Variants in CCDC188 observed in about 807,000 individuals in gnomAD.
CCDC188 encodes coiled-coil domain-containing protein 188.
A neutral mutation model predicts 50.7 loss-of-function variants in CCDC188; 37 were observed. That is an observed-to-expected ratio of 0.73 (90% CI 0.56 to 0.96). The LOEUF is 0.96. Ranked by LOEUF, CCDC188 falls within the 40% of genes least tolerant of loss-of-function variation. The pLI is 0.00. For missense variants in CCDC188, 453 were observed against 512.9 expected (o/e 0.88, Z 1.13); for synonymous variants, 208 against 228.0 (o/e 0.91, Z 0.79).
rs1462181218 is a variant in CCDC188 at position 20,149,606 on chromosome 22, A to G, written c.824T>C (p.Leu275Pro). Reference sequence around the variant, plus strand: ...CAGGAGCCCGGTGGCCTGGTTGTTCAGGGCCATGTGCATCTCAGCCACGTT... The same window carrying G: ...CAGGAGCCCGGTGGCCTGGTTGTTCGGGGCCATGTGCATCTCAGCCACGTT... Reference protein sequence around the residue: ...WDNVAEMHMALNNQATGLLNL... With the variant: ...WDNVAEMHMAPNNQATGLLNL... Residue 275 changes from leucine to proline, a missense_variant, in exon 5 of 9, where the codon CTG (leucine) becomes CCG (proline). By Grantham distance (98) the Leu-to-Pro change is moderately conservative. Transcript: ENST00000439765. The G allele has an allele frequency of 1.3e-6, 2 of 1,550,110 alleles. No individual in the cohort carries two copies. Among genetic ancestry groups the G allele is most frequent in the Non-Finnish European group, 1.7e-6 (2 of 1,146,878 alleles).
In CCDC188 at chr22:20,149,795, C is replaced by A. The variant is rs1228775052; in HGVS notation, c.733-15G>T. On this transcript the variant is annotated splice_polypyrimidine_tract_variant and intron_variant, in intron 3 of 8. Coordinates refer to ENST00000439765, the MANE Select transcript of CCDC188 (RefSeq NM_001365892.2). ...TGCAGCTCGTTCTGAGGGTGGGGCC[C>A]AGGATGGGCTTGGGCAGCATCAGCA... is the stretch of plus-strand genomic sequence containing the variant. 6.6e-7 allele frequency: 1 copy of A among 1,503,778 alleles called. No individual in the cohort carries two copies. 93.2% of individuals were successfully genotyped at this position (1,503,778 alleles called of 1,614,324 possible).
At chr22:20,149,377 C>T in intron 6 of CCDC188, 35 bp downstream of exon 6, 1 of 1,550,022 alleles carries the variant, frequency 6.5e-7, no homozygotes, top group Non-Finnish European at 8.7e-7. Flanking sequence ...TTCTGAGACC[C>T]TGCTCAGCTG....
chr22:20,149,034 G>A, intron 7 of CCDC188, 110 bp from the exon 8 acceptor site: 1 of 1,317,410 alleles, frequency 7.6e-7, no homozygotes, highest in Non-Finnish European at 1.0e-6. Flanking sequence ...CCGCAGCCCT[G>A]GCCCCTTCCT....
At position 20,150,260 on chromosome 22, in the gene CCDC188, G is replaced by C; in HGVS notation, c.520-10C>G. ...CCTGATTCTGCCTTTTCTGGGGTGG[G>C]GGGCAGAGAGAGGGGGCTGCCTGTC... On this transcript the variant is annotated splice_polypyrimidine_tract_variant and intron_variant, in intron 1 of 8. Transcript: ENST00000439765. 1 of 1,537,504 alleles carries C rather than the reference G, an allele frequency of 6.5e-7. No homozygotes were observed.
In CCDC188 at chr22:20,149,659, A is replaced by G. The variant is rs572525486; in HGVS notation, c.790-19T>C. ...CCCACACCTAGGGGGAGGTGGGGTC[A>G]CGCCTGAGGAGCAGGACCCACTGGG... On this transcript the variant is annotated intron_variant, in intron 4 of 8. Coordinates refer to ENST00000439765, the MANE Select transcript of CCDC188 (RefSeq NM_001365892.2). 8 of 1,549,090 alleles carry G rather than the reference A, an allele frequency of 5.2e-6. No homozygotes were observed. The East Asian group carries it at 2.0e-4, about 38-fold the overall frequency.
In CCDC188 at chr22:20,148,777, A is replaced by G. The variant is rs1332061417; in HGVS notation, c.1046T>C (p.Leu349Pro). Residue 349 changes from leucine (L) to proline (P), a missense_variant, in exon 9 of 9, where the codon CTG becomes CCG. By Grantham distance (98) the Leu-to-Pro change is moderately conservative. Transcript: ENST00000439765. ...QLWLLTLRLL[L>P]GALLVWTAAY... ...AGCGGTCCAGACCAGCAGGGCGCCC[A>G]GCAGCAGCCTCAGGGTCAGCAGCCT... The G allele has an allele frequency of 4.1e-6, 6 of 1,472,764 alleles. No homozygotes were observed. The Admixed American group carries it at 1.2e-4, about 30-fold the overall frequency. The allele number at this position is 1,472,764 out of a possible 1,614,324, so 91.2% of individuals were successfully genotyped here.
At position 20,150,470 on chromosome 22, in the gene CCDC188, G is replaced by A; in HGVS notation, c.517C>T (p.Leu173=). Reference sequence around the variant, plus strand: ...GGGGCGGTGGGTGGGGTGCTCACCAGGCTGTGGTTCTCCTGCTCCAGCTGC... The same window carrying A: ...GGGGCGGTGGGTGGGGTGCTCACCAAGCTGTGGTTCTCCTGCTCCAGCTGC... ...FLQLEQENHS[L]KRQNQELREQ... is the part of the protein sequence containing the mutation. Residue 173 remains leucine, a splice_region_variant and synonymous_variant, in exon 1 of 9, where the codon CTG becomes TTG. Transcript: ENST00000439765. The A allele has an allele frequency of 6.5e-7, 1 of 1,538,440 alleles. No homozygotes were observed. The highest frequency in any genetic ancestry group is 1.2e-5 in the South Asian group (1 of 83,866).
At chr22:20,149,095 G>A (rs2050568992) in intron 7 of CCDC188, 92 bp downstream of exon 7, 7 of 1,286,584 alleles carry the variant, frequency 5.4e-6, no homozygotes, top group Non-Finnish European at 7.3e-6. Context: ...CCCTGGACCT[G>A]CCCTCCTGGA....
chr22:20,148,683 G>A lies in CCDC188; in HGVS notation c.1140C>T (p.Thr380=), dbSNP rs779467377. Residue 380 remains threonine, a synonymous_variant, in exon 9 of 9, where the codon ACC becomes ACT. Transcript: ENST00000439765. The stretch of plus-strand genomic sequence containing the variant: ...CCAGCAGGGCCCGGAGCTTCCAGAC[G>A]GTGGCACGGCTCAGCAGGGGTGGCA... The part of the protein sequence containing the change: ...GLVPPLLSRA[T]VWKLRALLDP... 1.4e-5 allele frequency: 22 copies of A among 1,546,006 alleles called. No individual in the cohort carries two copies. Among genetic ancestry groups the A allele is most frequent in the Middle Eastern group, 1.7e-4 (1 of 5,844 alleles).
chr22:20,148,537 G>A lies in CCDC188; in HGVS notation c.*77C>T. The stretch of plus-strand genomic sequence containing the variant: ...TGGTGCACAGTGGTGCCATGTGCAG[G>A]GGGCTGGCACGGCCACTGGGCATCC... On this transcript the variant is annotated 3_prime_UTR_variant, in exon 9 of 9. Transcript: ENST00000439765. 1.4e-6 allele frequency: 2 copies of A among 1,450,884 alleles called. No individual in the cohort carries two copies. The highest frequency in any genetic ancestry group is 9.1e-7 in the Non-Finnish European group (1 of 1,102,862). The allele number at this position is 1,450,884 out of a possible 1,614,324, so 89.9% of individuals were successfully genotyped here.
In CCDC188 at chr22:20,148,724, G is replaced by A. The variant is rs1003330504; in HGVS notation, c.1099C>T (p.Pro367Ser). 60 of 1,528,964 alleles carry A rather than the reference G, an allele frequency of 3.9e-5. No homozygotes were observed. In the African/African-American group the frequency reaches 7.9e-4, roughly 20 times the overall value. 94.7% of individuals were successfully genotyped at this position (1,528,964 alleles called of 1,614,324 possible). ...AGGGGTGGCACCAGCCCCTCGAAAG[G>A]TGTGGGGTTCACCACGTACACGTAG... is the stretch of plus-strand genomic sequence containing the variant. ...AAYVYVVNPTPFEGLVPPLLS... is the reference protein window; with the variant it reads ...AAYVYVVNPTSFEGLVPPLLS... Residue 367 changes from proline (P) to serine (S), a missense_variant, in exon 9 of 9, where the codon CCT becomes TCT. Transcript: ENST00000439765.
At chr22:20,149,076 T>C (rs2050568604) in intron 7 of CCDC188, 111 bp downstream of exon 7, 1 of 1,254,708 alleles carries the variant, frequency 8.0e-7, no homozygotes, top group Admixed American at 3.0e-5. Context: ...ACTTTTCCGA[T>C]GCCCCCTGCC....
rs1208695806 is a variant in CCDC188, at chr22:20,150,793, C to G, written c.194G>C (p.Gly65Ala). 6.5e-7 allele frequency: 1 copy of G among 1,549,496 alleles called. No homozygotes were observed. The highest frequency in any genetic ancestry group is 2.0e-5 in the Admixed American group (1 of 50,964). The change falls in exon 1 of 9, where the codon GGC becomes GCC. Residue 65 changes from glycine (G) to alanine (A), a missense_variant. Gly to Ala is a moderately conservative substitution (Grantham distance 60, BLOSUM62 0). Coordinates refer to ENST00000439765, the MANE Select transcript of CCDC188 (RefSeq NM_001365892.2). ...CTCGCCCTCCACTGTGGGCCCACTG[C>G]CCCCTGCCCCTGGGACTGGGAAAGG... ...QRPFPVPGAG[G>A]SGPTVEGEAP...
In CCDC188 at chr22:20,149,260, T is replaced by C; in HGVS notation, c.915-16A>G. On this transcript the variant is annotated splice_polypyrimidine_tract_variant and intron_variant, in intron 6 of 8. Coordinates refer to ENST00000439765, the MANE Select transcript of CCDC188 (RefSeq NM_001365892.2). ...GGCCCGCTCCCTGCGGGGGCCTCAC[T>C]GTCAGGACCCCACACCCTCCACCCC... 10 of 1,505,974 alleles carry C rather than the reference T, an allele frequency of 6.6e-6. No individual in the cohort carries two copies. The highest frequency in any genetic ancestry group is 8.9e-6 in the Non-Finnish European group (10 of 1,124,720). 93.3% of individuals were successfully genotyped at this position (1,505,974 alleles called of 1,614,324 possible).
At position 20,150,590 on chromosome 22, in the gene CCDC188, G is replaced by C. The variant is rs1439109294; in HGVS notation, c.397C>G (p.Pro133Ala). ...AGGGCCCCTCCCTCCCGTGACAGGG[G>C]TGGGCATGGGCAGGGTCTGGTCCCT... ...GSGTRPCPCPPLSREGGALAS... is the reference protein window; with the variant it reads ...GSGTRPCPCPALSREGGALAS... The change falls in exon 1 of 9, where the codon CCC becomes GCC. Residue 133 changes from proline (P) to alanine (A), a missense_variant. Transcript: ENST00000439765. The C allele has an allele frequency of 6.5e-7, 1 of 1,546,694 alleles. No individual in the cohort carries two copies. The highest frequency in any genetic ancestry group is 8.7e-7 in the Non-Finnish European group (1 of 1,144,684).
At position 20,150,471 on chromosome 22, in the gene CCDC188, G is replaced by A; in HGVS notation, c.516C>T (p.Ser172=). The A allele has an allele frequency of 1.3e-6, 2 of 1,538,734 alleles. No homozygotes were observed. Among genetic ancestry groups the A allele is most frequent in the Non-Finnish European group, 1.7e-6 (2 of 1,146,138 alleles). ...GGGCGGTGGGTGGGGTGCTCACCAGGCTGTGGTTCTCCTGCTCCAGCTGCA... is the reference window on the plus strand; with the variant it reads ...GGGCGGTGGGTGGGGTGCTCACCAGACTGTGGTTCTCCTGCTCCAGCTGCA... ...SFLQLEQENH[S]LKRQNQELRE... is the part of the protein sequence containing the mutation. The change falls in exon 1 of 9, where the codon AGC becomes AGT. Residue 172 remains serine (S), a synonymous_variant. Coordinates refer to ENST00000439765, the MANE Select transcript of CCDC188 (RefSeq NM_001365892.2).
chr22:20,150,867 C>T lies in CCDC188; in HGVS notation c.120G>A (p.Trp40Ter), dbSNP rs1242253789. Residue 40 changes from tryptophan to a stop codon, truncating the protein, a stop_gained, in exon 1 of 9, where the codon TGG becomes TGA. Coordinates refer to ENST00000439765, the MANE Select transcript of CCDC188 (RefSeq NM_001365892.2). LOFTEE classifies it high-confidence loss of function. ...LDQPCQGFVG[W>*]PCLGPISSAH... ...CAGAGGAGATGGGGCCCAGGCAGGG[C>T]CACCCTACAAATCCCTGGCAGGGCT... 2 of 1,509,512 alleles carry T rather than the reference C, an allele frequency of 1.3e-6. No individual in the cohort carries two copies. The highest frequency in any genetic ancestry group is 5.0e-5 in the East Asian group (2 of 39,988). 93.5% of individuals were successfully genotyped at this position (1,509,512 alleles called of 1,614,324 possible). A position where few individuals can be genotyped will look rare whatever the true frequency, so the allele number is the denominator to read the frequency against.
Position 20,149,632 on chromosome 22 carries a change from G to A in CCDC188, c.798C>T (p.Asp266=). The change falls in exon 5 of 9, where the codon GAC becomes GAT. Residue 266 remains aspartate (D), a synonymous_variant. Transcript: ENST00000439765. ...GGGCCATGTGCATCTCAGCCACGTT[G>A]TCCCACACCTAGGGGGAGGTGGGGT... ...RKKMVITEVW[D]NVAEMHMALN... 2 of 1,550,122 alleles carry A rather than the reference G, an allele frequency of 1.3e-6. No homozygotes were observed. The highest frequency in any genetic ancestry group is 1.7e-6 in the Non-Finnish European group (2 of 1,146,880).
intron 7 of CCDC188, 118 bp downstream of exon 7, chr22:20,149,069 T>C: frequency 7.9e-7 from 1 of 1,266,080 alleles, no homozygotes; most frequent in South Asian, 1.6e-5. Context: ...TGCAGCCACT[T>C]TTCCGATGCC....
Sources: gnomAD v4.1 joint callset for allele counts on GRCh38, gnomAD v4.1.1 for gene constraint, MANE v1.5 for transcripts, NCBI Gene and HGNC (gene_info 2026-07-23, HGNC 2026-07-21) for gene names.